Variants in PDE6B observed in about 807,000 individuals in gnomAD.
PDE6B encodes the protein phosphodiesterase 6B.
A neutral mutation model predicts 109.0 loss-of-function variants in PDE6B; 106 were observed. The observed-to-expected ratio is 0.97, with a 90% CI of 0.83 to 1.14. The LOEUF is 1.14. Ranked by LOEUF, PDE6B falls within the 50% of genes most tolerant of loss-of-function variation. The pLI is 0.00. For missense variants in PDE6B, 1,193 were observed against 1,155.6 expected (o/e 1.03, Z -0.47); for synonymous variants, 490 against 471.3 (o/e 1.04, Z -0.51).
At chr4:628,167 C>G (rs565238838) in intron 1 of PDE6B, among the ~76,000 whole-genome samples, 1 of 152,050 alleles carries the variant, frequency 6.6e-6, no homozygotes, top group East Asian at 1.9e-4. Context: ...AGCAAATCTT[C>G]ATGAAGTGCA....
chr4:653,881 T>A lies in PDE6B; in HGVS notation c.741T>A (p.Phe247Leu). Residue 247 changes from phenylalanine (F) to leucine (L), a missense_variant, in exon 4 of 22, where the codon TTT becomes TTA. Phe to Leu is a conservative substitution (Grantham distance 22). Coordinates refer to ENST00000496514, the MANE Select transcript of PDE6B (RefSeq NM_000283.4). ...QVLLWSANKV[F>L]EELTDIERQF... ...TGCTGTGGTCGGCCAACAAGGTGTT[T>A]GAGGAGCTGACGGACATCGAGAGGC... 1 of 1,613,776 alleles carries A rather than the reference T, an allele frequency of 6.2e-7. No homozygotes were observed. Among genetic ancestry groups the A allele is most frequent in the Non-Finnish European group, 8.5e-7 (1 of 1,180,006 alleles).
At chr4:631,319 A>G (rs1366660044) in intron 1 of PDE6B, among the ~76,000 whole-genome samples, 1 of 152,258 alleles carries the variant, frequency 6.6e-6, no homozygotes, top group Non-Finnish European at 1.5e-5. Context: ...GGTAGAGACA[A>G]AGCTGGCAAG....
In PDE6B at chr4:665,269, G is replaced by A. The variant is rs371654655; in HGVS notation, c.2208G>A (p.Val736=). Residue 736 remains valine, a synonymous_variant, in exon 19 of 22, where the codon GTG becomes GTA. Coordinates refer to ENST00000496514, the MANE Select transcript of PDE6B (RefSeq NM_000283.4). This position sits in a 1 kb window ranked among gnomAD's most constrained non-coding sequence, Gnocchi z 4.0. ...WEVQSKVALL[V]AAEFWEQGDL... The stretch of plus-strand genomic sequence containing the variant: ...TGTGCCTCCAGGTCGCACTTCTCGT[G>A]GCTGCTGAGTTCTGGGAGCAAGGTG... The A allele has an allele frequency of 5.0e-6, 8 of 1,612,596 alleles. No individual in the cohort carries two copies. Among genetic ancestry groups the A allele is most frequent in the African/African-American group, 2.7e-5 (2 of 74,896 alleles).
chr4:632,397 C>A (rs1423582738), intron 1 of PDE6B, among the ~76,000 whole-genome samples: 1 of 150,684 alleles, frequency 6.6e-6, no homozygotes, highest in Non-Finnish European at 1.5e-5. Flanking sequence ...CCATGTGGTG[C>A]CGTCTGAGGG....
intron 21 of PDE6B, among the ~76,000 whole-genome samples, chr4:669,226 TCCCCTACCCTATGCTGCTC>T: frequency 1.4e-5 from 1 of 70,724 alleles, no homozygotes; most frequent in Non-Finnish European, 2.9e-5. Flanking sequence ...CCCATGCTAT[TCCCCTACCCTATGCTGCTC>T]CCACTACCCC....
In PDE6B at chr4:626,351, C is replaced by T. The variant is rs867156047; in HGVS notation, c.468+257C>T. Among the ~76,000 whole-genome samples the T allele has an allele frequency of 6.6e-6, 1 of 152,234 alleles. No homozygotes were observed. The highest frequency in any genetic ancestry group is 1.5e-5 in the Non-Finnish European group (1 of 68,042). On this transcript the variant is annotated intron_variant, in intron 1 of 21. Coordinates refer to ENST00000496514, the MANE Select transcript of PDE6B (RefSeq NM_000283.4). This position sits in a 1 kb window ranked among gnomAD's most constrained non-coding sequence, Gnocchi z 4.6. ...TGGTTAGACCTGAGTCTAGGAGCCT[C>T]GGCTGAAGCAGACTCAGGCTCAAAC...
intron 12 of PDE6B, among the ~76,000 whole-genome samples, chr4:660,981 A>G (rs1396218318): frequency 6.8e-6 from 1 of 147,210 alleles, no homozygotes; most frequent in Admixed American, 6.7e-5. Flanking sequence ...GGATAGTTGG[A>G]TAAATGGATG....
At chr4:650,167 A>AG (rs536149630) in intron 3 of PDE6B, among the ~76,000 whole-genome samples, 30 of 152,304 alleles carry the variant, frequency 2.0e-4, no homozygotes, top group African/African-American at 7.2e-4. Context: ...CTCCCTGAGG[A>AG]GGGGACAAGT....
intron 2 of PDE6B, among the ~76,000 whole-genome samples, chr4:635,603 G>A (rs537380154): frequency 1.3e-5 from 2 of 152,354 alleles, no homozygotes; most frequent in South Asian, 2.1e-4. Context: ...TCTGTGCTGC[G>A]CGTCTGCTGG....
rs141563823 is a variant in PDE6B at position 666,588 on chromosome 4, G to A, written c.2326G>A (p.Asp776Asn). 1.0e-4 allele frequency: 165 copies of A among 1,612,252 alleles called. No homozygotes were observed. The highest frequency in any genetic ancestry group is 1.3e-4 in the Non-Finnish European group (150 of 1,178,542). The change falls in exon 20 of 22, where the codon GAC becomes AAC. Residue 776 changes from aspartate to asparagine, a missense_variant. Asp to Asn is a conservative substitution (Grantham distance 23). Transcript: ENST00000496514. The surrounding 1 kb of genome is among the most constrained non-coding windows in gnomAD (Gnocchi z 5.6). ...ELPKLQVGFI[D>N]FVCTFVYKEF... ...CCCCAAGCTGCAAGTGGGCTTCATCGACTTCGTGTGCACATTCGTGTACAA... is the reference window on the plus strand; with the variant it reads ...CCCCAAGCTGCAAGTGGGCTTCATCAACTTCGTGTGCACATTCGTGTACAA...
chr4:625,893 C>G lies in PDE6B; in HGVS notation c.267C>G (p.Ala89=), dbSNP rs147181781. The G allele has an allele frequency of 1.2e-6, 2 of 1,604,074 alleles. No homozygotes were observed. The highest frequency in any genetic ancestry group is 1.7e-6 in the Non-Finnish European group (2 of 1,176,190). The part of the protein sequence containing the change: ...VLRRLCTLLQ[A]DRCSLFMYRQ... ...GGCGCCTCTGCACCCTCCTGCAGGCCGACCGCTGCAGCCTCTTCATGTACC... is the reference window on the plus strand; with the variant it reads ...GGCGCCTCTGCACCCTCCTGCAGGCGGACCGCTGCAGCCTCTTCATGTACC... The change falls in exon 1 of 22, where the codon GCC becomes GCG. Residue 89 remains alanine, a synonymous_variant. Transcript: ENST00000496514. This position sits in a 1 kb window ranked among gnomAD's most constrained non-coding sequence, Gnocchi z 5.0.
rs1357479717 is a variant in PDE6B at position 661,369 on chromosome 4, A to G, written c.1614+756A>G. On this transcript the variant is annotated intron_variant, in intron 12 of 21. Coordinates refer to ENST00000496514, the MANE Select transcript of PDE6B (RefSeq NM_000283.4). Reference sequence around the variant, plus strand: ...GCCCCCCTGGTTTGGCCACAGCAGCACTCCTCGGAGACCCCCTGGGGAGGC... The same window carrying G: ...GCCCCCCTGGTTTGGCCACAGCAGCGCTCCTCGGAGACCCCCTGGGGAGGC... 3.3e-5 allele frequency: 5 copies of G among 152,322 alleles called. No individual in the cohort carries two copies. The East Asian group carries it at 9.7e-4, about 30-fold the overall frequency. The allele number at this position is 152,322 out of a possible 1,614,324, so 9.4% of individuals were successfully genotyped here.
Position 658,951 on chromosome 4 carries a change from G to A in PDE6B, c.1402-1G>A, listed in dbSNP as rs769859376. 5.6e-6 allele frequency: 9 copies of A among 1,611,888 alleles called. No individual in the cohort carries two copies. The highest frequency in any genetic ancestry group is 6.8e-6 in the Non-Finnish European group (8 of 1,178,382). ...CGTGACACATCTGTGTCTCTGTGTAGCCAACCAGAGCGCGCCTGGGGAAGG... is the reference window on the plus strand; with the variant it reads ...CGTGACACATCTGTGTCTCTGTGTAACCAACCAGAGCGCGCCTGGGGAAGG... On this transcript the variant is annotated splice_acceptor_variant, in intron 10 of 21. Coordinates refer to ENST00000496514, the MANE Select transcript of PDE6B (RefSeq NM_000283.4). LOFTEE classifies it high-confidence loss of function.
intron 5 of PDE6B, 187 bp downstream of exon 5, chr4:654,341 C>A (rs920680929): frequency 1.6e-5 from 11 of 699,824 alleles, no homozygotes; most frequent in Non-Finnish European, 2.9e-5. Context: ...GATGGGGTGT[C>A]CAGGGCTGGT....
intron 3 of PDE6B, among the ~76,000 whole-genome samples, chr4:640,593 G>A (rs747231590): frequency 1.8e-4 from 28 of 152,002 alleles, no homozygotes; most frequent in Non-Finnish European, 3.8e-4. Context: ...TGTATTTTGT[G>A]TTGTATCTAA....
chr4:629,436 C>T (rs1208913078), intron 1 of PDE6B, among the ~76,000 whole-genome samples: 1 of 152,192 alleles, frequency 6.6e-6, no homozygotes. Context: ...GACTGTGCAG[C>T]GGTTTCTGAG....
intron 3 of PDE6B, 26 bp from the exon 4 acceptor site, chr4:653,826 G>T (rs201574351): frequency 1.6e-5 from 25 of 1,612,714 alleles, no homozygotes; most frequent in South Asian, 2.2e-5. Context: ...GTGGCCACAG[G>T]CCCACAGGTG....
chr4:656,893 C>G lies in PDE6B; in HGVS notation c.1127C>G (p.Ser376Cys). ...CCGCAGGAAGGGGCCCTGGACGACT[C>G]CGGGTGGCTCATCAAGAATGTGCTG... Reference protein sequence around the residue: ...FKFQEGALDDSGWLIKNVLSM... With the variant: ...FKFQEGALDDCGWLIKNVLSM... Residue 376 changes from serine to cysteine, a missense_variant, in exon 9 of 22, where the codon TCC becomes TGC. Physicochemically the swap from Ser to Cys is moderately radical, Grantham distance 112. Coordinates refer to ENST00000496514, the MANE Select transcript of PDE6B (RefSeq NM_000283.4). The G allele has an allele frequency of 6.2e-7, 1 of 1,612,860 alleles. No homozygotes were observed.
intron 1 of PDE6B, among the ~76,000 whole-genome samples, chr4:631,752 C>T (rs569356485): frequency 6.8e-6 from 1 of 146,932 alleles, no homozygotes; most frequent in East Asian, 2.1e-4. Context: ...TGTGTGGGTC[C>T]ATGTGGCACC....
Sources: allele counts gnomAD v4.1 joint callset (sites outside exome capture counted in the v4.1 genomes callset), GRCh38; gene constraint gnomAD v4.1.1; non-coding constraint Gnocchi (gnomAD v3.1); transcripts MANE v1.5; gene names NCBI Gene and HGNC (gene_info 2026-07-23, HGNC 2026-07-21).